DTWD1: variants seen among roughly 807,000 people sequenced by gnomAD.
The protein encoded by DTWD1 is tRNA-uridine aminocarboxypropyltransferase 1.
DTWD1 carries 27 observed loss-of-function variants against 30.2 expected under a neutral mutation model. That is an observed-to-expected ratio of 0.90 (90% CI 0.66 to 1.23). The LOEUF (loss-of-function observed/expected upper bound fraction) is 1.23, where lower values mean the gene tolerates loss of function less well. Ranked by LOEUF, DTWD1 falls within the 50% of genes most tolerant of loss-of-function variation. The pLI, the probability that DTWD1 is intolerant of heterozygous loss-of-function variation, is 0.00. For synonymous variants in DTWD1, 99 were observed against 113.1 expected (o/e 0.88, Z 0.79); for missense variants, 342 against 348.8 (o/e 0.98, Z 0.15).
In DTWD1 at chr15:49,646,728, T is replaced by C. The variant is rs2079121515; in HGVS notation, c.*3150T>C. On this transcript the variant is annotated 3_prime_UTR_variant, in exon 5 of 5. Transcript: ENST00000403028. The stretch of plus-strand genomic sequence containing the variant: ...CCAAGCAAGTGTACTTGCCACATGA[T>C]TGGCAGTGTCTCTTCATGGCTTTTC... 2 of 152,156 alleles carry C rather than the reference T, an allele frequency of 1.3e-5. No homozygotes were observed. Among genetic ancestry groups the C allele is most frequent in the African/African-American group, 4.8e-5 (2 of 41,434 alleles). The allele number at this position is 152,156 out of a possible 1,614,324, so 9.4% of individuals were successfully genotyped here.
Position 49,645,770 on chromosome 15 carries a change from A to G in DTWD1, c.*2192A>G, listed in dbSNP as rs898639251. The G allele has an allele frequency of 6.6e-6, 1 of 152,174 alleles. No individual in the cohort carries two copies. Among genetic ancestry groups the G allele is most frequent in the Non-Finnish European group, 1.5e-5 (1 of 68,018 alleles). 9.4% of individuals were successfully genotyped at this position (152,174 alleles called of 1,614,324 possible). On this transcript the variant is annotated 3_prime_UTR_variant, in exon 5 of 5. Transcript: ENST00000403028. ...TGACCCACGTACTTCATAAGAGCCT[A>G]ATTTACAGCTAAGGCCAGATAAAAT...
At chr15:49,633,745 G>A (rs2078963465) in intron 3 of DTWD1, 2 of 182,718 alleles carry the variant, frequency 1.1e-5, no homozygotes, top group South Asian at 1.4e-4. Flanking sequence ...AACATATGGG[G>A]ATAAAATTCC....
rs989435147 is a variant in DTWD1, at chr15:49,656,186, C to G, written c.*12608C>G. On this transcript the variant is annotated 3_prime_UTR_variant, in exon 5 of 5. Coordinates refer to ENST00000403028, the MANE Select transcript of DTWD1 (RefSeq NM_001144955.2). ...GTCCTATATGAAAGTGTTGATTGCA[C>G]CTGGTTCTTTGCTGTAAATTAAATA... The G allele has an allele frequency of 1.3e-5, 2 of 151,944 alleles. No homozygotes were observed. Among genetic ancestry groups the G allele is most frequent in the Non-Finnish European group, 2.9e-5 (2 of 67,942 alleles). 9.4% of individuals were successfully genotyped at this position (151,944 alleles called of 1,614,324 possible). A position where few individuals can be genotyped will look rare whatever the true frequency, so the allele number is the denominator to read the frequency against.
intron 1 of DTWD1, among the ~76,000 whole-genome samples, chr15:49,622,047 C>T (rs187065565): frequency 6.6e-6 from 1 of 152,124 alleles, no homozygotes; most frequent in South Asian, 2.1e-4. Context: ...GCCAGCCTGC[C>T]ACTTGTGCTA....
chr15:49,635,373 A>G (rs975706420), intron 4 of DTWD1, among the ~76,000 whole-genome samples: 37 of 152,178 alleles, frequency 2.4e-4, no homozygotes, highest in African/African-American at 8.9e-4. Flanking sequence ...ATTCTCCTAT[A>G]TTAATAAAGA....
In DTWD1 at chr15:49,656,161, G is replaced by A. The variant is rs1409515335; in HGVS notation, c.*12583G>A. 6.6e-6 allele frequency: 1 copy of A among 151,980 alleles called. No individual in the cohort carries two copies. The highest frequency in any genetic ancestry group is 2.4e-5 in the African/African-American group (1 of 41,424). The allele number at this position is 151,980 out of a possible 1,614,324, so 9.4% of individuals were successfully genotyped here. On this transcript the variant is annotated 3_prime_UTR_variant, in exon 5 of 5. Coordinates refer to ENST00000403028, the MANE Select transcript of DTWD1 (RefSeq NM_001144955.2). ...TTAGCTCAAGAAATACTTTATGTTT[G>A]TCCTATATGAAAGTGTTGATTGCAC...
chr15:49,622,324 G>A (rs1661692106), intron 1 of DTWD1, among the ~76,000 whole-genome samples: 1 of 152,092 alleles, frequency 6.6e-6, no homozygotes, highest in African/African-American at 2.4e-5. Context: ...TACTCAAAGA[G>A]GTTTAAGACA....
intron 2 of DTWD1, 85 bp downstream of exon 2, chr15:49,625,516 T>C: frequency 1.6e-6 from 2 of 1,229,442 alleles, no homozygotes; most frequent in Non-Finnish European, 2.2e-6. Context: ...TTGATAAACT[T>C]AATAAATAAT....
chr15:49,627,092 A>G (rs1346694611), intron 2 of DTWD1, among the ~76,000 whole-genome samples: 2 of 152,114 alleles, frequency 1.3e-5, no homozygotes, highest in African/African-American at 4.8e-5. Context: ...AATCAGTAAT[A>G]TAGTTACAGG....
intron 3 of DTWD1, among the ~76,000 whole-genome samples, chr15:49,633,049 C>CTATCTATATATATA (rs2078947255): frequency 1.0e-4 from 12 of 117,342 alleles, no homozygotes; most frequent in East Asian, 2.2e-4. Flanking sequence ...ATATCTATAT[C>CTATCTATATATATA]TATATATATA....
At chr15:49,638,495 A>G (rs1011300279) in intron 4 of DTWD1, among the ~76,000 whole-genome samples, 7 of 152,184 alleles carry the variant, frequency 4.6e-5, no homozygotes, top group Admixed American at 1.3e-4. Context: ...ACAGGAAACA[A>G]TTAGGGCTCT....
chr15:49,646,959 A>C lies in DTWD1; in HGVS notation c.*3381A>C, dbSNP rs2079123455. 1 of 152,188 alleles carries C rather than the reference A, an allele frequency of 6.6e-6. No homozygotes were observed. Among genetic ancestry groups the C allele is most frequent in the Non-Finnish European group, 1.5e-5 (1 of 68,030 alleles). 9.4% of individuals were successfully genotyped at this position (152,188 alleles called of 1,614,324 possible). A position where few individuals can be genotyped will look rare whatever the true frequency, so the allele number is the denominator to read the frequency against. ...TAGTTAGAAAAGCAGCATCGTTACA[A>C]GTATTACATGAATAAAGAAGTTTAG... On this transcript the variant is annotated 3_prime_UTR_variant, in exon 5 of 5. Coordinates refer to ENST00000403028, the MANE Select transcript of DTWD1 (RefSeq NM_001144955.2).
rs2153354881 is a variant in DTWD1 at position 49,651,161 on chromosome 15, A to G, written c.*7583A>G. On this transcript the variant is annotated 3_prime_UTR_variant, in exon 5 of 5. Coordinates refer to ENST00000403028, the MANE Select transcript of DTWD1 (RefSeq NM_001144955.2). ...AAAGAGGGCTTCTTTGGTTGCATACAAATCTCATCTAGAATTTAATAGTCC... is the reference window on the plus strand; with the variant it reads ...AAAGAGGGCTTCTTTGGTTGCATACGAATCTCATCTAGAATTTAATAGTCC... 1 of 152,306 alleles carries G rather than the reference A, an allele frequency of 6.6e-6. No homozygotes were observed. The highest frequency in any genetic ancestry group is 3.4e-3 in the Middle Eastern group (1 of 294). 9.4% of individuals were successfully genotyped at this position (152,306 alleles called of 1,614,324 possible).
intron 1 of DTWD1, among the ~76,000 whole-genome samples, chr15:49,622,570 T>C (rs1432651992): frequency 6.6e-6 from 1 of 152,224 alleles, no homozygotes; most frequent in Non-Finnish European, 1.5e-5. Flanking sequence ...GTCTTTATGT[T>C]TTCTAAGTCT....
In DTWD1 at chr15:49,653,152, GACTTTGCCTCTGTCATTAAGTTAAGC is replaced by G. The variant is rs2079162168; in HGVS notation, c.*9581_*9606del. ...AGGTTAAACCTTACATGGTAAAAAG[GACTTTGCCTCTGTCATTAAGTTAAGC>G]ACTTTGAAATGTAGAGATTATCCTG... On this transcript the variant is annotated 3_prime_UTR_variant, in exon 5 of 5. Coordinates refer to ENST00000403028, the MANE Select transcript of DTWD1 (RefSeq NM_001144955.2). 1 of 152,124 alleles carries G rather than the reference GACTTTGCCTCTGTCATTAAGTTAAGC, an allele frequency of 6.6e-6. No homozygotes were observed. The highest frequency in any genetic ancestry group is 2.4e-5 in the African/African-American group (1 of 41,432). 9.4% of individuals were successfully genotyped at this position (152,124 alleles called of 1,614,324 possible).
At chr15:49,639,422 C>T (rs939391827) in intron 4 of DTWD1, among the ~76,000 whole-genome samples, 5 of 151,930 alleles carry the variant, frequency 3.3e-5, no homozygotes, top group African/African-American at 1.2e-4. Flanking sequence ...ATTAGCAAGG[C>T]GTGGTAGTGT....
At chr15:49,639,972 AAT>A (rs1372314767) in intron 4 of DTWD1, among the ~76,000 whole-genome samples, 1 of 152,248 alleles carries the variant, frequency 6.6e-6, no homozygotes, top group East Asian at 1.9e-4. Context: ...CATATGAAAT[AAT>A]ATATACACAC....
In DTWD1 at chr15:49,638,027, C is replaced by T. The variant is rs535867321; in HGVS notation, c.667+3233C>T. Among the ~76,000 whole-genome samples, 14 of 152,268 alleles carry T rather than the reference C, an allele frequency of 9.2e-5. No homozygotes were observed. The East Asian group carries it at 9.6e-4, about 10-fold the overall frequency. ...TGCCGATGTTTGATAGAAAGACAAA[C>T]GCCTAAGCCCTAAGGCTGTGCTCTT... is the stretch of plus-strand genomic sequence containing the variant. On this transcript the variant is annotated intron_variant, in intron 4 of 4. Transcript: ENST00000403028.
chr15:49,630,464 A>G (rs1024136817), intron 2 of DTWD1, among the ~76,000 whole-genome samples: 4 of 152,202 alleles, frequency 2.6e-5, no homozygotes, highest in African/African-American at 9.6e-5. Flanking sequence ...TTAAAAGCTG[A>G]AGTCAAGAAC....
Sources: allele counts gnomAD v4.1 joint callset (sites outside exome capture counted in the v4.1 genomes callset), GRCh38; gene constraint gnomAD v4.1.1; transcripts MANE v1.5; gene names NCBI Gene and HGNC (gene_info 2026-07-23, HGNC 2026-07-21).